Variants in PIBF1 observed in about 807,000 individuals in gnomAD.
PIBF1 encodes progesterone-induced-blocking factor 1.
In PIBF1, 90 loss-of-function variants were observed where a neutral mutation model predicts 112.5. The ratio of observed to expected loss-of-function variants is 0.80; its 90% CI spans 0.67 to 0.95. The LOEUF is 0.95. Among genes scored for constraint, PIBF1 ranks in the 40% least tolerant of loss-of-function variants. PIBF1 has a pLI of 0.00. For synonymous variants in PIBF1, 301 were observed against 288.6 expected (o/e 1.04, Z -0.44); for missense variants, 915 against 852.3 (o/e 1.07, Z -0.92).
chr13:72,784,428 A>G (rs1414528683), intron 2 of PIBF1, among the ~76,000 whole-genome samples: 1 of 151,988 alleles, frequency 6.6e-6, no homozygotes, highest in Non-Finnish European at 1.5e-5. Context: ...CCTGGGCAAC[A>G]CAGCAAGACT....
intron 6 of PIBF1, among the ~76,000 whole-genome samples, chr13:72,824,200 G>A (rs1310550603): frequency 7.7e-6 from 1 of 129,836 alleles, no homozygotes; most frequent in Non-Finnish European, 1.6e-5. Flanking sequence ...TTTTTTTTAA[G>A]TAGAGACATG....
intron 13 of PIBF1, among the ~76,000 whole-genome samples, chr13:72,929,317 G>T (rs947134556): frequency 2.0e-5 from 3 of 152,016 alleles, no homozygotes; most frequent in Non-Finnish European, 2.9e-5. Context: ...TTTATTTGTA[G>T]AAATCTTGTT....
chr13:72,851,649 G>A (rs1358108790), intron 9 of PIBF1, among the ~76,000 whole-genome samples: 1 of 152,234 alleles, frequency 6.6e-6, no homozygotes, highest in Admixed American at 6.5e-5. Context: ...CCACCCTCAA[G>A]CCAGGGATAG....
chr13:72,822,951 A>C (rs1188428513), intron 6 of PIBF1, among the ~76,000 whole-genome samples: 3 of 152,156 alleles, frequency 2.0e-5, no homozygotes, highest in African/African-American at 7.2e-5. Context: ...AATGAAGTAG[A>C]GGGCATAGTG....
Position 72,885,997 on chromosome 13 carries a change from A to G in PIBF1, c.1323-7787A>G, listed in dbSNP as rs180837510. On this transcript the variant is annotated intron_variant, in intron 10 of 17. Coordinates refer to ENST00000326291, the MANE Select transcript of PIBF1 (RefSeq NM_006346.4). ...AAATTAACATTTATAGGGCTTCCCT[A>G]TTGTTAGGAAGCAGATCTAAATAAA... Among the ~76,000 whole-genome samples the G allele has an allele frequency of 4.6e-5, 7 of 152,232 alleles. No homozygotes were observed. The East Asian group carries it at 1.2e-3, about 25-fold the overall frequency.
At chr13:72,825,925 GGCACATGGTGGCAT>G (rs1440256702) in intron 6 of PIBF1, among the ~76,000 whole-genome samples, 1 of 150,178 alleles carries the variant, frequency 6.7e-6, no homozygotes, top group Non-Finnish European at 1.5e-5. Flanking sequence ...AATTAAATTA[GGCACATGGTGGCAT>G]GCACCTGTAG....
At position 72,809,476 on chromosome 13, in the gene PIBF1, G is replaced by A. The variant is rs182983694; in HGVS notation, c.672+11450G>A. ...AAAAACATTCAGGGTTTTAAATTCT[G>A]TTAAAGCCACATGAAATCATTAAAG... On this transcript the variant is annotated intron_variant, in intron 5 of 17. Coordinates refer to ENST00000326291, the MANE Select transcript of PIBF1 (RefSeq NM_006346.4). Among the ~76,000 whole-genome samples, 885 of 150,768 alleles carry A rather than the reference G, an allele frequency of 5.9e-3. 3 individuals are homozygous for A. Among genetic ancestry groups the A allele is most frequent in the Non-Finnish European group, 8.9e-3 (606 of 67,842 alleles).
chr13:72,913,514 A>G (rs1266757304), intron 12 of PIBF1, among the ~76,000 whole-genome samples: 1 of 152,196 alleles, frequency 6.6e-6, no homozygotes, highest in Non-Finnish European at 1.5e-5. Context: ...ACAGTGGCTC[A>G]TGCCTTTAAC....
intron 15 of PIBF1, among the ~76,000 whole-genome samples, chr13:72,965,648 C>T (rs577447989): frequency 2.0e-4 from 30 of 152,266 alleles, no homozygotes; most frequent in African/African-American, 7.2e-4. Context: ...CATAACATTC[C>T]ATCTATCCTA....
At chr13:72,827,237 AATTT>A (rs2036856820) in intron 7 of PIBF1, 119 bp downstream of exon 7, 2 of 384,438 alleles carry the variant, frequency 5.2e-6, no homozygotes, top group Non-Finnish European at 9.2e-6. Flanking sequence ...CAAAAAGATA[AATTT>A]TTTTTTTTTT....
At chr13:72,860,964 C>T (rs568596214) in intron 10 of PIBF1, among the ~76,000 whole-genome samples, 2 of 152,220 alleles carry the variant, frequency 1.3e-5, no homozygotes, top group South Asian at 2.1e-4. Flanking sequence ...AAGATTCTTT[C>T]TTCCAAAAAG....
intron 5 of PIBF1, among the ~76,000 whole-genome samples, chr13:72,800,619 A>G (rs918731481): frequency 2.6e-5 from 4 of 152,228 alleles, no homozygotes; most frequent in African/African-American, 9.6e-5. Flanking sequence ...AATTCATTCA[A>G]TAAATGTGTA....
At chr13:72,810,857 A>AT (rs34414482) in intron 5 of PIBF1, among the ~76,000 whole-genome samples, 1,967 of 141,766 alleles carry the variant, frequency 0.014, 35 homozygotes, top group African/African-American at 0.037. Context: ...AAGAACCTCA[A>AT]TTTTTTTTTT....
At chr13:72,978,030 A>G (rs1332154045) in intron 16 of PIBF1, among the ~76,000 whole-genome samples, 1 of 152,208 alleles carries the variant, frequency 6.6e-6, no homozygotes, top group African/African-American at 2.4e-5. Flanking sequence ...TAACTTAAAA[A>G]TGTGCATAAA....
At chr13:72,891,950 A>G (rs1054911882) in intron 10 of PIBF1, among the ~76,000 whole-genome samples, 14 of 152,142 alleles carry the variant, frequency 9.2e-5, no homozygotes, top group African/African-American at 3.4e-4. Flanking sequence ...ATATTATATG[A>G]TTCCATTAAT....
At chr13:72,805,143 T>C (rs1480606251) in intron 5 of PIBF1, among the ~76,000 whole-genome samples, 1 of 151,934 alleles carries the variant, frequency 6.6e-6, no homozygotes, top group African/African-American at 2.4e-5. Context: ...TCAGCTAATT[T>C]TTGTTTGTTT....
At position 72,792,509 on chromosome 13, in the gene PIBF1, A is replaced by C; in HGVS notation, c.315A>C (p.Arg105Ser). The C allele has an allele frequency of 6.4e-7, 1 of 1,572,448 alleles. No individual in the cohort carries two copies. The highest frequency in any genetic ancestry group is 8.6e-7 in the Non-Finnish European group (1 of 1,164,144). ...ACCAGAAGCAGCTACTAACATTGAGATTAGACAACCAATTGGCTTTTCAAC... is the reference window on the plus strand; with the variant it reads ...ACCAGAAGCAGCTACTAACATTGAGCTTAGACAACCAATTGGCTTTTCAAC... ...ALHQKQLLTL[R>S]LDNQLAFQQK... The change falls in exon 3 of 18, where the codon AGA (arginine) becomes AGC (serine). Residue 105 changes from arginine to serine, a missense_variant. Transcript: ENST00000326291.
At chr13:72,798,090 T>G (rs2035285057) in intron 5 of PIBF1, 64 bp downstream of exon 5, 1 of 1,516,182 alleles carries the variant, frequency 6.6e-7, no homozygotes, top group African/African-American at 1.4e-5. Flanking sequence ...TCCCTCAGGA[T>G]TTGTGATAAG....
In PIBF1 at chr13:72,796,005, G is replaced by A. The variant is rs191528587; in HGVS notation, c.552+448G>A. On this transcript the variant is annotated intron_variant, in intron 4 of 17. Transcript: ENST00000326291. ...ACACCTAGGATTAATCTATGGCAGT[G>A]GTCTCAAATATTTTGGTGTCAGCAT... 1.4e-4 allele frequency among the ~76,000 whole-genome samples: 21 copies of A among 152,114 alleles called. No homozygotes were observed. The East Asian group carries it at 3.9e-3, about 28-fold the overall frequency.
Sources: gnomAD v4.1 joint callset for allele counts (sites outside exome capture counted in the v4.1 genomes callset) on GRCh38, gnomAD v4.1.1 for gene constraint, MANE v1.5 for transcripts, NCBI Gene and HGNC (gene_info 2026-07-23, HGNC 2026-07-21) for gene names.